The following DPP10 variants were observed in gnomAD, a reference collection of about 807,000 sequenced individuals.
DPP10 encodes the protein dipeptidyl peptidase like 10.
DPP10 carries 33 observed loss-of-function variants against 120.9 expected under a neutral mutation model. The ratio of observed to expected loss-of-function variants is 0.27; its 90% CI spans 0.21 to 0.37. The LOEUF is 0.37. Among genes scored for constraint, DPP10 ranks in the 10% least tolerant of loss-of-function variants. DPP10 has a pLI of 1.00. For synonymous variants in DPP10, 337 were observed against 326.1 expected (o/e 1.03, Z -0.36); for missense variants, 816 against 942.8 (o/e 0.87, Z 1.76).
chr2:114,919,816 GA>G (rs1207706093), intron 1 of DPP10, among the ~76,000 whole-genome samples: 1 of 152,152 alleles, frequency 6.6e-6, no homozygotes. Flanking sequence ...GTTTTGAGCT[GA>G]AGGCATCTGA....
chr2:115,635,852 T>C (rs1217193819), intron 5 of DPP10, among the ~76,000 whole-genome samples: 1 of 152,218 alleles, frequency 6.6e-6, no homozygotes, highest in Non-Finnish European at 1.5e-5. Flanking sequence ...GTCCTAATAT[T>C]ATAATTTATT....
At chr2:115,351,895 T>C (rs74867745) in intron 3 of DPP10, among the ~76,000 whole-genome samples, 2,806 of 152,178 alleles carry the variant, frequency 0.018, 31 homozygotes, top group African/African-American at 0.039. Flanking sequence ...AATGGAAATA[T>C]CTACTATAAA....
chr2:114,466,142 T>C (rs1029912168), intron 1 of DPP10, among the ~76,000 whole-genome samples: 5 of 152,228 alleles, frequency 3.3e-5, no homozygotes, highest in African/African-American at 4.8e-5. Flanking sequence ...ATATGATTTA[T>C]TATGGACCTG....
At chr2:114,487,614 C>T (rs1443909730) in intron 1 of DPP10, among the ~76,000 whole-genome samples, 3 of 152,106 alleles carry the variant, frequency 2.0e-5, no homozygotes, top group Admixed American at 2.0e-4. Flanking sequence ...ATTTTAAAGG[C>T]CTACAGTGTC....
chr2:114,825,826 C>T (rs1045962137), intron 1 of DPP10, among the ~76,000 whole-genome samples: 3 of 152,108 alleles, frequency 2.0e-5, no homozygotes, highest in Non-Finnish European at 4.4e-5. Context: ...GCCTAAATAA[C>T]AGAGGGCATA....
intron 1 of DPP10, among the ~76,000 whole-genome samples, chr2:114,737,052 G>A (rs764574794): frequency 6.6e-6 from 1 of 152,136 alleles, no homozygotes. Flanking sequence ...AAATTAAAAC[G>A]AAATAGTAGA....
chr2:115,613,957 A>G (rs1269462579), intron 5 of DPP10, among the ~76,000 whole-genome samples: 2 of 152,188 alleles, frequency 1.3e-5, no homozygotes, highest in African/African-American at 4.8e-5. Context: ...CAGGAGGGAA[A>G]ATAGTATACT....
At chr2:115,031,834 C>T (rs10182166) in intron 1 of DPP10, among the ~76,000 whole-genome samples, 3,428 of 152,114 alleles carry the variant, frequency 0.023, 127 homozygotes, top group African/African-American at 0.079. Flanking sequence ...ATAATGTGTT[C>T]TGCTTTTGTA....
intron 1 of DPP10, among the ~76,000 whole-genome samples, chr2:115,305,921 TAATG>T (rs1032709040): frequency 6.6e-5 from 10 of 152,030 alleles, no homozygotes; most frequent in Non-Finnish European, 1.3e-4. Flanking sequence ...ATTCATGACA[TAATG>T]AATGATGAGA....
chr2:115,208,314 C>T (rs2056296376), intron 1 of DPP10, among the ~76,000 whole-genome samples: 2 of 151,878 alleles, frequency 1.3e-5, no homozygotes, highest in Non-Finnish European at 2.9e-5. Context: ...ATTCTCCTGC[C>T]TCAGCCTCCC....
At chr2:114,804,733 G>A (rs547971975) in intron 1 of DPP10, among the ~76,000 whole-genome samples, 23 of 152,290 alleles carry the variant, frequency 1.5e-4, no homozygotes, top group African/African-American at 4.8e-4. Flanking sequence ...GAATTAACAA[G>A]CTTGCTTTTG....
chr2:114,536,313 G>A (rs1479220087), intron 1 of DPP10, among the ~76,000 whole-genome samples: 3 of 151,806 alleles, frequency 2.0e-5, no homozygotes, highest in Non-Finnish European at 2.9e-5. Flanking sequence ...AATTATTTCA[G>A]CCATTTAGAT....
intron 5 of DPP10, among the ~76,000 whole-genome samples, chr2:115,543,551 T>C (rs2079305085): frequency 6.6e-6 from 1 of 152,050 alleles, no homozygotes; most frequent in Admixed American, 6.6e-5. Context: ...AATTCTGTAC[T>C]ATGTAATTGG....
intron 1 of DPP10, among the ~76,000 whole-genome samples, chr2:114,975,809 A>G (rs1485756009): frequency 1.3e-5 from 2 of 151,758 alleles, no homozygotes; most frequent in Non-Finnish European, 2.9e-5. Flanking sequence ...CACCACCACG[A>G]CCAGCTAATT....
chr2:114,650,933 A>T (rs959623787), intron 1 of DPP10, among the ~76,000 whole-genome samples: 16 of 152,130 alleles, frequency 1.1e-4, no homozygotes. Context: ...CCTTTTGTCT[A>T]GCTAACTATA....
At chr2:114,709,014 C>T (rs1700857721) in intron 1 of DPP10, among the ~76,000 whole-genome samples, 1 of 152,206 alleles carries the variant, frequency 6.6e-6, no homozygotes, top group Admixed American at 6.5e-5. Flanking sequence ...CCTCTGCCTC[C>T]CAAAGTGCTG....
chr2:114,557,298 C>CA (rs926060402), intron 1 of DPP10, among the ~76,000 whole-genome samples: 5 of 152,052 alleles, frequency 3.3e-5, no homozygotes, highest in African/African-American at 1.2e-4. Context: ...CATTTGCTCT[C>CA]AGGGAAAATG....
intron 8 of DPP10, among the ~76,000 whole-genome samples, chr2:115,733,905 T>TA (rs1462378151): frequency 2.0e-5 from 3 of 152,232 alleles, no homozygotes; most frequent in African/African-American, 7.2e-5. Flanking sequence ...ATGCCATTTG[T>TA]AAAAATAAAT....
chr2:115,151,773 C>T (rs2051578089), intron 1 of DPP10, among the ~76,000 whole-genome samples: 1 of 150,266 alleles, frequency 6.7e-6, no homozygotes, highest in South Asian at 2.1e-4. Flanking sequence ...ACTCCTATAA[C>T]ATTCATGGAT....
Sources: gnomAD v4.1 joint callset for allele counts (sites outside exome capture counted in the v4.1 genomes callset) on GRCh38, gnomAD v4.1.1 for gene constraint, MANE v1.5 for transcripts, NCBI Gene and HGNC (gene_info 2026-07-23, HGNC 2026-07-21) for gene names.